The following XAF1 variants were observed in gnomAD, a reference collection of about 807,000 sequenced individuals.
XAF1 encodes XIAP-associated factor 1.
In XAF1, 32 loss-of-function variants were observed where a neutral mutation model predicts 32.3. The ratio of observed to expected loss-of-function variants is 0.99; its 90% CI spans 0.75 to 1.33. The LOEUF (loss-of-function observed/expected upper bound fraction) is 1.33. XAF1 is among the 40% of genes most tolerant of loss of function. The probability of loss-of-function intolerance (pLI) is 0.00; values close to 1 mark genes in which losing one functional copy is unlikely to be tolerated. For missense variants in XAF1, 379 were observed against 366.0 expected, an observed-to-expected ratio of 1.04 and a Z score of -0.29; for synonymous variants, 120 against 125.9, an observed-to-expected ratio of 0.95 and a Z score of 0.31.
chr17:6,762,947 G>A (rs754655988), intron 5 of XAF1, among the ~76,000 whole-genome samples: 7 of 152,218 alleles, frequency 4.6e-5, no homozygotes, highest in Non-Finnish European at 7.3e-5. Flanking sequence ...CCATAGAGAC[G>A]ATCCAGCTTT....
chr17:6,764,591 TA>T (rs755517233), intron 5 of XAF1, among the ~76,000 whole-genome samples: 121 of 152,322 alleles, frequency 7.9e-4, no homozygotes, highest in Admixed American at 1.4e-3. Flanking sequence ...TTTTGAAAAT[TA>T]AGGATTGAAA....
At chr17:6,764,585 G>A (rs545978773) in intron 5 of XAF1, among the ~76,000 whole-genome samples, 2 of 151,830 alleles carry the variant, frequency 1.3e-5, no homozygotes, top group Non-Finnish European at 2.9e-5. Flanking sequence ...TTTTAATTTT[G>A]AAAATTAAGG....
chr17:6,766,803 A>G lies in XAF1; in HGVS notation c.508-3840A>G, dbSNP rs1473527726. ...TCTGAAAATTCCCCTGAGTACAACT[A>G]CACACATCAGATAGTCTGTCCATTT... On this transcript the variant is annotated intron_variant, in intron 5 of 6. Coordinates refer to ENST00000361842, the MANE Select transcript of XAF1 (RefSeq NM_017523.5). Among the ~76,000 whole-genome samples, 7 of 152,232 alleles carry G rather than the reference A, an allele frequency of 4.6e-5. No homozygotes were observed. In the East Asian group the frequency reaches 1.3e-3, roughly 29 times the overall value.
chr17:6,755,802 G>T, upstream of XAF1: 1 of 1,288,406 alleles, frequency 7.8e-7, no homozygotes, highest in Non-Finnish European at 9.9e-7. Context: ...GTGCTGCCCA[G>T]GAGAGGCCTG....
At chr17:6,760,266 T>G in intron 3 of XAF1, 140 bp from the exon 4 acceptor site, 2 of 798,792 alleles carry the variant, frequency 2.5e-6, no homozygotes, top group Non-Finnish European at 3.8e-6. Context: ...GAGAATTGCT[T>G]GAACCCGGGA....
intron 3 of XAF1, 177 bp downstream of exon 3, chr17:6,759,895 C>G: frequency 9.4e-7 from 1 of 1,069,116 alleles, no homozygotes; most frequent in Non-Finnish European, 1.3e-6. Context: ...CTCCTGTCCC[C>G]CAGATACTGA....
Position 6,762,053 on chromosome 17 carries a change from A to G in XAF1, c.422-102A>G, listed in dbSNP as rs751373912. 8 of 1,583,084 alleles carry G rather than the reference A, an allele frequency of 5.1e-6. No homozygotes were observed. In the South Asian group the frequency reaches 9.1e-5, roughly 18 times the overall value. On this transcript the variant is annotated intron_variant, in intron 4 of 6. Transcript: ENST00000361842. ...TCAAGACCAGGCAGGTCCGGGGGGC[A>G]GTTCGTGCTCATGAGCACAGGCCAT... is the stretch of plus-strand genomic sequence containing the variant.
intron 5 of XAF1, among the ~76,000 whole-genome samples, chr17:6,768,422 T>A (rs1192608754): frequency 2.6e-5 from 4 of 152,128 alleles, no homozygotes; most frequent in Admixed American, 6.6e-5. Flanking sequence ...TGTGCCCGGC[T>A]GGATATACTC....
intron 3 of XAF1, 185 bp downstream of exon 3, chr17:6,759,903 T>A: frequency 9.9e-7 from 1 of 1,008,128 alleles, no homozygotes. Flanking sequence ...CCCCAGATAC[T>A]GATCAGAAGG....
chr17:6,755,752 G>C (rs571778826), upstream of XAF1: 540 of 1,145,680 alleles, frequency 4.7e-4, 5 homozygotes, highest in Middle Eastern at 8.7e-3. Context: ...AGACCCAGAC[G>C]GAGAGAAGCC....
intron 3 of XAF1, 37 bp downstream of exon 3, chr17:6,759,755 T>C: frequency 1.9e-6 from 3 of 1,613,824 alleles, no homozygotes; most frequent in Non-Finnish European, 1.7e-6. Flanking sequence ...TACAGCCAAA[T>C]AGACCAACCT....
At chr17:6,759,773 GGAGAGGAAGGGGAAACGGGAGGCCA>G in intron 3 of XAF1, 55 bp downstream of exon 3, 1 of 1,613,356 alleles carries the variant, frequency 6.2e-7, no homozygotes, top group South Asian at 1.1e-5. Context: ...CCTGAGAAAA[GGAGAGGAAGGGGAAACGGGAGGCCA>G]GTAATAGAGA....
In XAF1 at chr17:6,759,629, G is replaced by GGTGT. The variant is rs3833979; in HGVS notation, c.169-8_169-5dup. 2.2e-3 allele frequency: 3,272 copies of GGTGT among 1,510,654 alleles called. 13 individuals are homozygous for GGTGT. The highest frequency in any genetic ancestry group is 0.021 in the African/African-American group (1,517 of 72,000). The allele number at this position is 1,510,654 out of a possible 1,614,324, so 93.6% of individuals were successfully genotyped here. Reference sequence around the variant, plus strand: ...CTGGGTGCTGGGTGGACCCACATCTGGTGTGTGTGTGTGTGTGTGTGTGTG... The same window carrying GGTGT: ...CTGGGTGCTGGGTGGACCCACATCTGGTGTGTGTGTGTGTGTGTGTGTGTGTGTG... On this transcript the variant is annotated intron_variant, in intron 2 of 6. Transcript: ENST00000361842.
intron 4 of XAF1, 120 bp from the exon 5 acceptor site, chr17:6,762,035 C>A (rs764125010): frequency 1.3e-5 from 20 of 1,558,716 alleles, no homozygotes; most frequent in Non-Finnish European, 7.8e-6. Flanking sequence ...AAGTCAAGAC[C>A]AGGCAGGTCC....
chr17:6,757,695 T>G (rs990173151), intron 1 of XAF1, among the ~76,000 whole-genome samples: 1 of 152,354 alleles, frequency 6.6e-6, no homozygotes, highest in Non-Finnish European at 1.5e-5. Flanking sequence ...ATAATTGACC[T>G]ACAATAAACC....
chr17:6,760,611 C>T lies in XAF1; in HGVS notation c.421+10C>T. 6.2e-7 allele frequency: 1 copy of T among 1,600,668 alleles called. No individual in the cohort carries two copies. Among genetic ancestry groups the T allele is most frequent in the Non-Finnish European group, 8.5e-7 (1 of 1,171,268 alleles). Reference sequence around the variant, plus strand: ...GCCCAGCTCGGGAAAGGTAAGCACACAAACTGGGGTGGAAGAGAGACGTTC... The same window carrying T: ...GCCCAGCTCGGGAAAGGTAAGCACATAAACTGGGGTGGAAGAGAGACGTTC... On this transcript the variant is annotated intron_variant, in intron 4 of 6. Coordinates refer to ENST00000361842, the MANE Select transcript of XAF1 (RefSeq NM_017523.5).
chr17:6,760,004 C>G (rs898120818), intron 3 of XAF1: 3 of 559,322 alleles, frequency 5.4e-6, no homozygotes, highest in Non-Finnish European at 9.5e-6. Flanking sequence ...TCGTATTGGC[C>G]CTAATTCCCT....
chr17:6,769,172 C>T (rs987026060), intron 5 of XAF1, among the ~76,000 whole-genome samples: 13 of 151,306 alleles, frequency 8.6e-5, no homozygotes, highest in African/African-American at 3.2e-4. Context: ...CAAGTTCATT[C>T]ATTCTTTCTT....
chr17:6,756,670 G>T (rs1017329088), intron 1 of XAF1, among the ~76,000 whole-genome samples: 1 of 152,174 alleles, frequency 6.6e-6, no homozygotes, highest in African/African-American at 2.4e-5. Flanking sequence ...TCCCCAGAGA[G>T]CTTTGCTCCA....
Sources: allele counts gnomAD v4.1 joint callset (sites outside exome capture counted in the v4.1 genomes callset), GRCh38; gene constraint gnomAD v4.1.1; transcripts MANE v1.5; gene names NCBI Gene and HGNC (gene_info 2026-07-23, HGNC 2026-07-21).